The following PTPRN2 variants were observed in gnomAD, a reference collection of about 807,000 sequenced individuals.
PTPRN2 encodes the protein receptor-type tyrosine-protein phosphatase N2.
Under a neutral mutation model 118.8 loss-of-function variants are expected in PTPRN2, and 74 were observed. That is an observed-to-expected ratio of 0.62 (90% CI 0.52 to 0.76). The LOEUF is 0.76. Among genes scored for constraint, PTPRN2 ranks in the 30% least tolerant of loss-of-function variants. The pLI is 0.00. For missense variants in PTPRN2, 1,481 were observed against 1,394.4 expected, an observed-to-expected ratio of 1.06 and a Z score of -0.99; for synonymous variants, 641 against 608.0, an observed-to-expected ratio of 1.05 and a Z score of -0.80.
At chr7:157,993,267 A>G (rs1036881110) in intron 11 of PTPRN2, among the ~76,000 whole-genome samples, 4 of 152,122 alleles carry the variant, frequency 2.6e-5, no homozygotes, top group African/African-American at 9.7e-5. Context: ...CCGTGTTCAC[A>G]TTAAGACCAA....
chr7:158,276,902 AT>A (rs1266796875), intron 3 of PTPRN2, among the ~76,000 whole-genome samples: 1 of 152,144 alleles, frequency 6.6e-6, no homozygotes, highest in African/African-American at 2.4e-5. Context: ...AGGGGGCCAT[AT>A]GCTCAGGTGC....
intron 12 of PTPRN2, among the ~76,000 whole-genome samples, chr7:157,840,348 G>A (rs369771636): frequency 0.017 from 2,382 of 139,970 alleles, 49 homozygotes; most frequent in South Asian, 0.075. Context: ...ACGTGTGGCC[G>A]CGTGTGACTG....
At chr7:158,189,941 T>C (rs913447356) in intron 5 of PTPRN2, among the ~76,000 whole-genome samples, 4 of 152,238 alleles carry the variant, frequency 2.6e-5, no homozygotes, top group African/African-American at 9.6e-5. Flanking sequence ...CGTGCTGTGC[T>C]GAGACCTGCT....
At chr7:158,056,910 C>G (rs73171552) in intron 11 of PTPRN2, among the ~76,000 whole-genome samples, 1 of 152,160 alleles carries the variant, frequency 6.6e-6, no homozygotes, top group African/African-American at 2.4e-5. Context: ...CACATCGGGA[C>G]GCGTGCTCCA....
chr7:158,230,011 A>C (rs1829063479), intron 3 of PTPRN2, among the ~76,000 whole-genome samples: 1 of 152,212 alleles, frequency 6.6e-6, no homozygotes, highest in African/African-American at 2.4e-5. Context: ...AGAAGCAAGG[A>C]ATATTTAAAG....
At chr7:157,750,176 C>A (rs1801376634) in intron 12 of PTPRN2, among the ~76,000 whole-genome samples, 1 of 152,150 alleles carries the variant, frequency 6.6e-6, no homozygotes, top group Middle Eastern at 3.4e-3. Context: ...TGGTTGGTTG[C>A]TTGTTGTTCA....
intron 3 of PTPRN2, among the ~76,000 whole-genome samples, chr7:158,214,347 G>A (rs537696667): frequency 1.1e-3 from 167 of 150,586 alleles, no homozygotes; most frequent in Non-Finnish European, 1.9e-3. Context: ...TTTGCCTCAG[G>A]TACCTCAGAC....
At chr7:158,540,545 T>G (rs1586905841) in intron 1 of PTPRN2, among the ~76,000 whole-genome samples, 1 of 149,844 alleles carries the variant, frequency 6.7e-6, no homozygotes, top group Non-Finnish European at 1.5e-5. Flanking sequence ...CAAGGGGGGG[T>G]TTCTTTGGAG....
In PTPRN2 at chr7:158,304,609, C is replaced by A. The variant is rs188404012; in HGVS notation, c.277+12210G>T. On this transcript the variant is annotated intron_variant, in intron 3 of 22. Transcript: ENST00000389418. The stretch of plus-strand genomic sequence containing the variant: ...CCCTAAGATGTACACAGGCTTGGTC[C>A]AGAAAGATGGGAAAACACTAAGCAG... 9.2e-4 allele frequency among the ~76,000 whole-genome samples: 139 copies of A among 150,776 alleles called. 1 individual carries two copies. Among genetic ancestry groups the A allele is most frequent in the South Asian group, 6.2e-3 (30 of 4,824 alleles).
intron 2 of PTPRN2, among the ~76,000 whole-genome samples, chr7:158,371,663 G>A (rs1366124625): frequency 6.6e-6 from 1 of 152,212 alleles, no homozygotes; most frequent in Middle Eastern, 3.4e-3. Flanking sequence ...CACACCAAGT[G>A]ACCTAGGAAT....
At chr7:158,376,301 G>A (rs144881572) in intron 2 of PTPRN2, among the ~76,000 whole-genome samples, 4 of 151,464 alleles carry the variant, frequency 2.6e-5, no homozygotes, top group East Asian at 2.0e-4. Context: ...CTGAGAGGGG[G>A]GTCAGGGGAC....
chr7:158,309,205 T>C (rs1304903634), intron 3 of PTPRN2, among the ~76,000 whole-genome samples: 1 of 61,474 alleles, frequency 1.6e-5, no homozygotes, highest in Non-Finnish European at 3.7e-5. Context: ...TGTGAGGGCA[T>C]TTCCAAAGGA....
intron 2 of PTPRN2, among the ~76,000 whole-genome samples, chr7:158,429,192 G>A (rs892112627): frequency 3.3e-5 from 5 of 152,232 alleles, no homozygotes; most frequent in Admixed American, 3.3e-4. Context: ...CTGTCACCCA[G>A]TCGAGAGGCT....
rs542876726 is a variant in PTPRN2, at chr7:157,953,457, G to A, written c.1724-54720C>T. 2.4e-4 allele frequency among the ~76,000 whole-genome samples: 36 copies of A among 152,228 alleles called. No individual in the cohort carries two copies. Among genetic ancestry groups the A allele is most frequent in the African/African-American group, 5.5e-4 (23 of 41,544 alleles). ...GGAGAGTGTCCTCCCAGGATACAGCGGAGTGCCCGTCACCACCTGCCCACC... is the reference window on the plus strand; with the variant it reads ...GGAGAGTGTCCTCCCAGGATACAGCAGAGTGCCCGTCACCACCTGCCCACC... On this transcript the variant is annotated intron_variant, in intron 11 of 22. Transcript: ENST00000389418. The surrounding 1 kb of genome is among the most constrained non-coding windows in gnomAD (Gnocchi z 4.6).
chr7:158,466,215 TTACTACATACA>T (rs1162775515), intron 2 of PTPRN2, among the ~76,000 whole-genome samples: 1 of 152,152 alleles, frequency 6.6e-6, no homozygotes, highest in Non-Finnish European at 1.5e-5. Context: ...TCCAATGTTG[TTACTACATACA>T]GTCCTCACGC....
At chr7:158,041,663 G>A (rs1031498588) in intron 11 of PTPRN2, among the ~76,000 whole-genome samples, 1 of 152,074 alleles carries the variant, frequency 6.6e-6, no homozygotes, top group Non-Finnish European at 1.5e-5. Flanking sequence ...AAAAAAGAGA[G>A]AGAAAACAAA....
chr7:158,144,365 C>T (rs547460227), intron 6 of PTPRN2, among the ~76,000 whole-genome samples: 49 of 152,254 alleles, frequency 3.2e-4, no homozygotes, highest in South Asian at 8.3e-4. Flanking sequence ...CAGCCGGACG[C>T]GGTGGCTCAC....
At chr7:158,180,141 T>C (rs574119180) in intron 5 of PTPRN2, among the ~76,000 whole-genome samples, 59 of 152,380 alleles carry the variant, frequency 3.9e-4, no homozygotes, top group African/African-American at 1.3e-3. Context: ...AAGCCCCACT[T>C]TGGGGCTCCT....
chr7:157,556,663 AC>A (rs1213048555), intron 21 of PTPRN2, among the ~76,000 whole-genome samples: 2 of 149,362 alleles, frequency 1.3e-5, no homozygotes, highest in African/African-American at 5.0e-5. Flanking sequence ...AAACATGCAC[AC>A]CCCACACTCA....
Sources: gnomAD v4.1 joint callset for allele counts (sites outside exome capture counted in the v4.1 genomes callset) on GRCh38, gnomAD v4.1.1 for gene constraint, Gnocchi (gnomAD v3.1) non-coding constraint, MANE v1.5 for transcripts, NCBI Gene and HGNC (gene_info 2026-07-23, HGNC 2026-07-21) for gene names.